AHNAK: variants seen among roughly 807,000 people sequenced by gnomAD.
The protein encoded by AHNAK is AHNAK nucleoprotein, also known as neuroblast differentiation-associated protein AHNAK.
AHNAK carries 23 observed loss-of-function variants against 37.8 expected under a neutral mutation model. The observed-to-expected ratio is 0.61, with a 90% CI of 0.44 to 0.86. The LOEUF (loss-of-function observed/expected upper bound fraction) is 0.86, where lower values mean the gene tolerates loss of function less well. Ranked by LOEUF, AHNAK falls within the 40% of genes least tolerant of loss-of-function variation. AHNAK has a pLI of 0.00. For synonymous variants in AHNAK, 2,481 were observed against 2,636.3 expected, an observed-to-expected ratio of 0.94 and a Z score of 1.80; for missense variants, 7,411 against 7,319.4, an observed-to-expected ratio of 1.01 and a Z score of -0.46.
In AHNAK at chr11:62,519,277, G is replaced by C. The variant is rs1466010534; in HGVS notation, c.15140C>G (p.Pro5047Arg). 6.2e-7 allele frequency: 1 copy of C among 1,614,114 alleles called. No homozygotes were observed. Among genetic ancestry groups the C allele is most frequent in the Non-Finnish European group, 8.5e-7 (1 of 1,180,014 alleles). ...AKKQGFDLNV[P>R]GGEIDASLKA... ...GAGGCTGGCATCAATTTCACCCCCAGGAACATTCAGGTCAAATCCCTGTTT... is the reference window on the plus strand; with the variant it reads ...GAGGCTGGCATCAATTTCACCCCCACGAACATTCAGGTCAAATCCCTGTTT... The change falls in exon 5 of 5, where the codon CCT (proline) becomes CGT (arginine). Residue 5047 changes from proline (P) to arginine (R), a missense_variant. Physicochemically the swap from Pro to Arg is moderately radical, Grantham distance 103. Transcript: ENST00000378024.
Position 62,524,757 on chromosome 11 carries a change from T to C in AHNAK, c.9660A>G (p.Ser3220=), listed in dbSNP as rs749501002. ...PEMNIKAPKI[S]MPDLDLNLKG... ...TAAGATTGAGGTCCAAATCAGGCAT[T>C]GATATTTTAGGAGCTTTGATGTTCA... The change falls in exon 5 of 5, where the codon TCA becomes TCG. Residue 3220 remains serine (S), a synonymous_variant. Transcript: ENST00000378024. 2.5e-6 allele frequency: 4 copies of C among 1,614,178 alleles called. No homozygotes were observed. The highest frequency in any genetic ancestry group is 3.4e-6 in the Non-Finnish European group (4 of 1,180,034).
Position 62,527,377 on chromosome 11 carries a change from T to A in AHNAK, c.7040A>T (p.Asp2347Val), listed in dbSNP as rs780910135. ...AGCATCTAATTTGGGACCTTTGACA[T>A]CCAATTCTGGACCTTTTAACTCTCC... The part of the protein sequence containing the change: ...LEGELKGPEL[D>V]VKGPKLDADM... Residue 2347 changes from aspartate to valine, a missense_variant, in exon 5 of 5, where the codon GAT (aspartate) becomes GTT (valine). Physicochemically the swap from Asp to Val is radical, Grantham distance 152. Coordinates refer to ENST00000378024, the MANE Select transcript of AHNAK (RefSeq NM_001620.3). 3 of 1,614,204 alleles carry A rather than the reference T, an allele frequency of 1.9e-6. No homozygotes were observed. The highest frequency in any genetic ancestry group is 2.5e-6 in the Non-Finnish European group (3 of 1,180,024).
At position 62,523,267 on chromosome 11, in the gene AHNAK, G is replaced by A. The variant is rs764711239; in HGVS notation, c.11150C>T (p.Pro3717Leu). Residue 3717 changes from proline (P) to leucine (L), a missense_variant, in exon 5 of 5, where the codon CCT (proline) becomes CTT (leucine). Physicochemically the swap from Pro to Leu is moderately conservative, Grantham distance 98. Coordinates refer to ENST00000378024, the MANE Select transcript of AHNAK (RefSeq NM_001620.3). ...IKGPKVDIDT[P>L]DINIEGSEGK... is the part of the protein sequence containing the mutation. ...CTCTGAGCCTTCGATGTTAATGTCA[G>A]GAGTGTCAATGTCCACTTTGGGGCC... is the stretch of plus-strand genomic sequence containing the variant. 10 of 1,613,830 alleles carry A rather than the reference G, an allele frequency of 6.2e-6. No homozygotes were observed. Among genetic ancestry groups the A allele is most frequent in the Non-Finnish European group, 8.5e-6 (10 of 1,179,910 alleles).
chr11:62,527,981 A>G lies in AHNAK; in HGVS notation c.6436T>C (p.Leu2146=). 6.2e-7 allele frequency: 1 copy of G among 1,603,470 alleles called. No homozygotes were observed. Among genetic ancestry groups the G allele is most frequent in the Non-Finnish European group, 8.5e-7 (1 of 1,177,244 alleles). Residue 2146 remains leucine, a synonymous_variant, in exon 5 of 5, where the codon TTA becomes CTA. Transcript: ENST00000378024. ...DVSLPKLEGD[L]TGPSVDVEVP... Reference sequence around the variant, plus strand: ...TCCACATCCACACTGGGGCCTGTTAAATCTCCCTCCAATTTTGGCAAAGAC... The same window carrying G: ...TCCACATCCACACTGGGGCCTGTTAGATCTCCCTCCAATTTTGGCAAAGAC...
At chr11:62,440,020 G>A (rs1378779242) in intron 5 of AHNAK, among the ~76,000 whole-genome samples, 1 of 152,072 alleles carries the variant, frequency 6.6e-6, no homozygotes, top group African/African-American at 2.4e-5. Flanking sequence ...CCTAAAACAG[G>A]GTTTCTCCAC....
chr11:62,523,049 C>T lies in AHNAK; in HGVS notation c.11368G>A (p.Ala3790Thr), dbSNP rs1240192934. 5 of 1,613,972 alleles carry T rather than the reference C, an allele frequency of 3.1e-6. No individual in the cohort carries two copies. Among genetic ancestry groups the T allele is most frequent in the Non-Finnish European group, 3.4e-6 (4 of 1,180,036 alleles). ...DIKGPKVDIN[A>T]PDVDVQGPDW... is the part of the protein sequence containing the mutation. ...GGGCCTTGAACATCAACATCTGGAG[C>T]ATTAATGTCCACTTTGGGGCCCTTG... The change falls in exon 5 of 5, where the codon GCT becomes ACT. Residue 3790 changes from alanine to threonine, a missense_variant. Coordinates refer to ENST00000378024, the MANE Select transcript of AHNAK (RefSeq NM_001620.3).
chr11:62,508,253 G>A (rs919179039), intron 4 of AHNAK, among the ~76,000 whole-genome samples: 1 of 152,086 alleles, frequency 6.6e-6, no homozygotes, highest in African/African-American at 2.4e-5. Flanking sequence ...TGACATCACA[G>A]GGAAGAAAAA....
intron 1 of AHNAK, chr11:62,546,134 C>T (rs944909185): frequency 1.3e-5 from 2 of 153,698 alleles, no homozygotes; most frequent in African/African-American, 4.8e-5. Flanking sequence ...AGGGTGGGGC[C>T]TGGACGACTC....
Position 62,520,303 on chromosome 11 carries a change from T to C in AHNAK, c.14114A>G (p.Lys4705Arg). 1 of 1,613,342 alleles carries C rather than the reference T, an allele frequency of 6.2e-7. No homozygotes were observed. The change falls in exon 5 of 5, where the codon AAG becomes AGG. Residue 4705 changes from lysine to arginine, a missense_variant. By Grantham distance (26) the Lys-to-Arg change is conservative. Transcript: ENST00000378024. ...VNIEGPDAKL[K>R]GPKFKMPEMS... ...CTCAGGCATCTTGAACTTGGGGCCC[T>C]TTAGTTTCGCATCTGGACCTTCGAT... is the stretch of plus-strand genomic sequence containing the variant.
rs753641569 is a variant in AHNAK at position 62,529,883 on chromosome 11, T to C, written c.4534A>G (p.Lys1512Glu). The C allele has an allele frequency of 5.6e-6, 9 of 1,613,592 alleles. 1 individual carries two copies. Among genetic ancestry groups the C allele is most frequent in the Non-Finnish European group, 7.6e-6 (9 of 1,179,936 alleles). ...HGPDWHLKMP[K>E]VKMPKFSMPG... ...ATGCTGAACTTGGGCATTTTTACCT[T>C]GGGCATCTTCAGGTGCCAGTCTGGG... Residue 1512 changes from lysine to glutamate, a missense_variant, in exon 5 of 5, where the codon AAG becomes GAG. Transcript: ENST00000378024.
At chr11:62,441,925 C>A (rs1193981121) in intron 5 of AHNAK, among the ~76,000 whole-genome samples, 1 of 152,154 alleles carries the variant, frequency 6.6e-6, no homozygotes, top group African/African-American at 2.4e-5. Flanking sequence ...GCCAGCAAGC[C>A]CTTGGTCAGG....
Position 62,529,028 on chromosome 11 carries a change from C to T in AHNAK, c.5389G>A (p.Gly1797Arg). ...DLNLKGPKLK[G>R]EIDASVPELE... ...TCTGGCACAGAAGCATCTATCTCTC[C>T]CTTCAGTTTGGGTCCCTTCAAATTC... The change falls in exon 5 of 5, where the codon GGA (glycine) becomes AGA (arginine). Residue 1797 changes from glycine to arginine, a missense_variant. Gly to Arg is a moderately radical substitution (Grantham distance 125). Coordinates refer to ENST00000378024, the MANE Select transcript of AHNAK (RefSeq NM_001620.3). The T allele has an allele frequency of 6.2e-7, 1 of 1,614,212 alleles. No individual in the cohort carries two copies. Among genetic ancestry groups the T allele is most frequent in the South Asian group, 1.1e-5 (1 of 91,080 alleles).
Position 62,469,200 on chromosome 11 carries a change from C to T in AHNAK, c.442+22532G>A, listed in dbSNP as rs563606622. On this transcript the variant is annotated intron_variant, in intron 5 of 5. Coordinates refer to the AHNAK transcript ENST00000257247. Reference sequence around the variant, plus strand: ...GCAGTGGTGTGGTCTTGGCTTACTGCAAACTCTGCCTCCTGGATTCAAGAG... The same window carrying T: ...GCAGTGGTGTGGTCTTGGCTTACTGTAAACTCTGCCTCCTGGATTCAAGAG... Among the ~76,000 whole-genome samples, 6 of 151,680 alleles carry T rather than the reference C, an allele frequency of 4.0e-5. No individual in the cohort carries two copies. The South Asian group carries it at 1.0e-3, about 26-fold the overall frequency.
At chr11:62,488,689 G>C (rs570378798) in intron 5 of AHNAK, among the ~76,000 whole-genome samples, 17 of 151,516 alleles carry the variant, frequency 1.1e-4, no homozygotes, top group African/African-American at 4.1e-4. Flanking sequence ...TGGGATTACA[G>C]GTATGAGCCA....
chr11:62,449,751 G>A (rs899419121), intron 5 of AHNAK, among the ~76,000 whole-genome samples: 4 of 152,162 alleles, frequency 2.6e-5, no homozygotes, highest in African/African-American at 4.8e-5. Context: ...GTGGTGGTTC[G>A]TCCCGGCTCC....
chr11:62,508,900 C>T (rs7108380), intron 4 of AHNAK, among the ~76,000 whole-genome samples: 4,796 of 152,340 alleles, frequency 0.031, 100 homozygotes, highest in Middle Eastern at 0.078. Context: ...AAGCATGCCA[C>T]CAACCCCTTA....
In AHNAK at chr11:62,533,915, C is replaced by T. The variant is rs771020656; in HGVS notation, c.502G>A (p.Glu168Lys). The change falls in exon 5 of 5, where the codon GAA (glutamate) becomes AAA (lysine). Residue 168 changes from glutamate to lysine, a missense_variant. By Grantham distance (56) the Glu-to-Lys change is moderately conservative. Transcript: ENST00000378024. The stretch of plus-strand genomic sequence containing the variant: ...CTGATGTCTATGTCCTTGGCTCCTT[C>T]CCGGCCAGTCACATCCACAGTGTAG... ...TAYTVDVTGR[E>K]GAKDIDISSP... The T allele has an allele frequency of 1.1e-5, 18 of 1,614,092 alleles. No homozygotes were observed. The South Asian group carries it at 1.8e-4, about 16-fold the overall frequency.
At chr11:62,506,013 C>CA (rs10608015) in intron 4 of AHNAK, among the ~76,000 whole-genome samples, 31 of 43,036 alleles carry the variant, frequency 7.2e-4, no homozygotes, top group African/African-American at 1.4e-3. Context: ...CTGTCTCTAC[C>CA]AAAAAAAAAA....
chr11:62,454,933 T>TA lies in AHNAK; in HGVS notation c.443-21043_443-21042insT, dbSNP rs202109595. On this transcript the variant is annotated intron_variant, in intron 5 of 5. Coordinates refer to the AHNAK transcript ENST00000257247. ...TTGCATTTCTTTTTATTTATTTATT[T>TA]TTTTTTTTTTTTTGAGATGGAGTTT... Among the ~76,000 whole-genome samples, 631 of 112,422 alleles carry TA rather than the reference T, an allele frequency of 5.6e-3. 5 individuals are homozygous for TA. Among genetic ancestry groups the TA allele is most frequent in the African/African-American group, 0.019 (597 of 31,596 alleles). 73.8% of individuals were successfully genotyped at this position (112,422 alleles called of 152,430 possible).
Sources: gnomAD v4.1 joint callset for allele counts (sites outside exome capture counted in the v4.1 genomes callset) on GRCh38, gnomAD v4.1.1 for gene constraint, MANE v1.5 for transcripts, NCBI Gene and HGNC (gene_info 2026-07-23, HGNC 2026-07-21) for gene names.